The following PNLDC1 variants were observed in gnomAD, a reference collection of about 807,000 sequenced individuals.
PNLDC1 encodes PARN like ribonuclease domain containing exonuclease 1.
In PNLDC1, 70 loss-of-function variants were observed where a neutral mutation model predicts 82.0. The observed-to-expected ratio is 0.85, with a 90% CI of 0.70 to 1.04. PNLDC1 has a LOEUF of 1.04. PNLDC1 is among the 50% of genes least tolerant of loss of function. The probability of loss-of-function intolerance (pLI) is 0.00; values close to 1 mark genes in which losing one functional copy is unlikely to be tolerated. For missense variants in PNLDC1, 631 were observed against 661.1 expected (o/e 0.95, Z 0.50); for synonymous variants, 280 against 249.3 (o/e 1.12, Z -1.16).
upstream of PNLDC1, chr6:159,800,172 C>G: frequency 1.3e-6 from 1 of 744,382 alleles, no homozygotes; most frequent in Non-Finnish European, 2.1e-6. Context: ...CACGGGGAAG[C>G]TGGGCACGTG....
Position 159,819,209 on chromosome 6 carries a change from C to G in PNLDC1, c.1434-45C>G. On this transcript the variant is annotated intron_variant, in intron 17 of 18. Transcript: ENST00000392167. This position sits in a 1 kb window ranked among gnomAD's most constrained non-coding sequence, Gnocchi z 4.6. ...CCACCCGCCTGATCACAGCAGGCGG[C>G]GCCATCCTGCTGCCTGGCTGACCAC... is the stretch of plus-strand genomic sequence containing the variant. 6.2e-7 allele frequency: 1 copy of G among 1,609,068 alleles called. No homozygotes were observed. Among genetic ancestry groups the G allele is most frequent in the Non-Finnish European group, 8.5e-7 (1 of 1,176,306 alleles).
chr6:159,806,037 G>A lies in PNLDC1; in HGVS notation c.516G>A (p.Leu172=). ...KVVIDEVTRW[L]ELAKEGDWMT... Reference sequence around the variant, plus strand: ...TGATTGACGAAGTGACGCGGTGGCTGGAGCTGGCCAAGGAAGGCGACTGGA... The same window carrying A: ...TGATTGACGAAGTGACGCGGTGGCTAGAGCTGGCCAAGGAAGGCGACTGGA... The change falls in exon 7 of 19, where the codon CTG becomes CTA. Residue 172 remains leucine, a synonymous_variant. Coordinates refer to ENST00000392167, the MANE Select transcript of PNLDC1 (RefSeq NM_001271862.2). 2 of 1,614,208 alleles carry A rather than the reference G, an allele frequency of 1.2e-6. No homozygotes were observed. Among genetic ancestry groups the A allele is most frequent in the African/African-American group, 1.3e-5 (1 of 75,062 alleles).
chr6:159,818,011 G>C (rs1295683792), intron 15 of PNLDC1, among the ~76,000 whole-genome samples: 1 of 152,242 alleles, frequency 6.6e-6, no homozygotes, highest in Middle Eastern at 3.2e-3. Context: ...GGAGCTAGCA[G>C]TGGTGGGGCA....
chr6:159,815,413 C>T, intron 12 of PNLDC1, among the ~76,000 whole-genome samples: 1 of 152,252 alleles, frequency 6.6e-6, no homozygotes, highest in Non-Finnish European at 1.5e-5. Flanking sequence ...TCTTGGCCCT[C>T]CCTTCACACA....
intron 9 of PNLDC1, among the ~76,000 whole-genome samples, chr6:159,809,451 ATTTTTT>A (rs71904720): frequency 1.8e-4 from 25 of 138,720 alleles, no homozygotes; most frequent in Admixed American, 3.5e-4. Flanking sequence ...TACCTGGCTA[ATTTTTT>A]TTTTTTTTTT....
chr6:159,819,403 G>C lies in PNLDC1; in HGVS notation c.1532+51G>C. On this transcript the variant is annotated intron_variant, in intron 18 of 18. Transcript: ENST00000392167. The surrounding 1 kb of genome is among the most constrained non-coding windows in gnomAD (Gnocchi z 4.6). The stretch of plus-strand genomic sequence containing the variant: ...CCTGTCCTGGGGTCCTGGAGTGCCC[G>C]GGGTCCCAGCATCCCAGCATGGTCT... The C allele has an allele frequency of 4.6e-6, 7 of 1,512,670 alleles. No individual in the cohort carries two copies. Among genetic ancestry groups the C allele is most frequent in the Non-Finnish European group, 5.4e-6 (6 of 1,101,330 alleles). 93.7% of individuals were successfully genotyped at this position (1,512,670 alleles called of 1,614,324 possible). A position where few individuals can be genotyped will look rare whatever the true frequency, so the allele number is the denominator to read the frequency against.
chr6:159,805,666 G>A (rs1781421143), intron 6 of PNLDC1: 1 of 261,784 alleles, frequency 3.8e-6, no homozygotes, highest in African/African-American at 2.1e-5. Flanking sequence ...CCTGAAAGCT[G>A]AATAAAGAAG....
intron 3 of PNLDC1, among the ~76,000 whole-genome samples, chr6:159,801,988 G>A (rs187205732): frequency 5.3e-5 from 8 of 151,922 alleles, no homozygotes; most frequent in African/African-American, 1.7e-4. Context: ...CCCAGGTTCG[G>A]GTGATTCTCC....
At position 159,803,252 on chromosome 6, in the gene PNLDC1, T is replaced by C. The variant is rs1223239640; in HGVS notation, c.209-19T>C. 6.2e-7 allele frequency: 1 copy of C among 1,613,840 alleles called. No individual in the cohort carries two copies. Among genetic ancestry groups the C allele is most frequent in the Admixed American group, 1.7e-5 (1 of 60,022 alleles). ...TTGCTTTTCCTTGGCATTCATTCCCTCTACGGTCATTCTTCCAGGATTGTC... is the reference window on the plus strand; with the variant it reads ...TTGCTTTTCCTTGGCATTCATTCCCCCTACGGTCATTCTTCCAGGATTGTC... On this transcript the variant is annotated intron_variant, in intron 3 of 18. Transcript: ENST00000392167.
At chr6:159,804,478 G>C (rs76241323) in intron 5 of PNLDC1, 71 bp from the exon 6 acceptor site, 3 of 1,051,854 alleles carry the variant, frequency 2.9e-6, no homozygotes, top group African/African-American at 1.6e-5. Flanking sequence ...ACCTGTCCTC[G>C]TGAAATCAGG....
chr6:159,808,884 G>A (rs1781548388), intron 8 of PNLDC1, 68 bp downstream of exon 8: 15 of 1,599,262 alleles, frequency 9.4e-6, no homozygotes, highest in Non-Finnish European at 1.3e-5. Context: ...GCCAAATCTG[G>A]CCTCTGAAAA....
chr6:159,820,162 G>C (rs1781989631), intron 18 of PNLDC1, among the ~76,000 whole-genome samples: 1 of 152,216 alleles, frequency 6.6e-6, no homozygotes, highest in African/African-American at 2.4e-5. Flanking sequence ...GTTGCTGTCA[G>C]TTGAGCTGGG....
At chr6:159,804,238 T>TC in intron 5 of PNLDC1, 150 bp downstream of exon 5, 1 of 903,080 alleles carries the variant, frequency 1.1e-6, no homozygotes, top group South Asian at 1.6e-5. Flanking sequence ...GTAGCTGGGA[T>TC]TACAGGCACC....
At chr6:159,806,737 C>CA (rs1781460946) in intron 7 of PNLDC1, among the ~76,000 whole-genome samples, 1 of 152,138 alleles carries the variant, frequency 6.6e-6, no homozygotes, top group East Asian at 1.9e-4. Context: ...TATTAAATCT[C>CA]AATCTTTTGA....
upstream of PNLDC1, among the ~76,000 whole-genome samples, chr6:159,799,809 T>G (rs545056884): frequency 6.6e-6 from 1 of 152,224 alleles, no homozygotes; most frequent in South Asian, 2.1e-4. Context: ...AGGAAAAAGA[T>G]GTCCAGGGGC....
chr6:159,804,168 G>T, intron 5 of PNLDC1, 80 bp downstream of exon 5: 1 of 1,505,966 alleles, frequency 6.6e-7, no homozygotes. Flanking sequence ...CCAGGCTGGA[G>T]TGCAGTGGTG....
Position 159,809,267 on chromosome 6 carries a change from T to C in PNLDC1, c.783+109T>C, listed in dbSNP as rs1323024900. On this transcript the variant is annotated intron_variant, in intron 9 of 18. Coordinates refer to ENST00000392167, the MANE Select transcript of PNLDC1 (RefSeq NM_001271862.2). ...AGATAAAATTCTTTGAGATAAGTGA[T>C]TCCTTCTCATGAATTTTTTCATGTT... 3 of 1,371,746 alleles carry C rather than the reference T, an allele frequency of 2.2e-6. No individual in the cohort carries two copies. In the African/African-American group the frequency reaches 4.4e-5, roughly 20 times the overall value. The allele number at this position is 1,371,746 out of a possible 1,614,324, so 85.0% of individuals were successfully genotyped here.
rs751472538 is a variant in PNLDC1, at chr6:159,820,521, C to T, written c.*4C>T. ...CCTTGGAAGATCTGGTACCTGAGTG[C>T]AGCGAGGCCTCCTGCGGCCACCCTC... On this transcript the variant is annotated 3_prime_UTR_variant, in exon 19 of 19. Coordinates refer to ENST00000392167, the MANE Select transcript of PNLDC1 (RefSeq NM_001271862.2). 1.5e-5 allele frequency: 25 copies of T among 1,613,910 alleles called. No individual in the cohort carries two copies. In the East Asian group the frequency reaches 4.7e-4, roughly 30 times the overall value.
Position 159,819,040 on chromosome 6 carries a change from A to AT in PNLDC1, c.1353dup (p.Lys452Ter). ...GGGGTCAGCGAGCAGCAAGTCTACC[A>AT]TAAGTTTCAGAATCTCTGCAAGTTT... On this transcript the variant is annotated frameshift_variant, in exon 17 of 19. Transcript: ENST00000392167. LOFTEE classifies it high-confidence loss of function. The surrounding 1 kb of genome is among the most constrained non-coding windows in gnomAD (Gnocchi z 4.6). The AT allele has an allele frequency of 6.2e-7, 1 of 1,614,024 alleles. No individual in the cohort carries two copies. Among genetic ancestry groups the AT allele is most frequent in the Non-Finnish European group, 8.5e-7 (1 of 1,180,010 alleles).
Sources: allele counts gnomAD v4.1 joint callset (sites outside exome capture counted in the v4.1 genomes callset), GRCh38; gene constraint gnomAD v4.1.1; non-coding constraint Gnocchi (gnomAD v3.1); transcripts MANE v1.5; gene names NCBI Gene and HGNC (gene_info 2026-07-23, HGNC 2026-07-21).